The following CDH4 variants were observed in gnomAD, a reference collection of about 807,000 sequenced individuals.
The protein encoded by CDH4 is cadherin-4.
CDH4 carries 33 observed loss-of-function variants against 86.0 expected under a neutral mutation model. The ratio of observed to expected loss-of-function variants is 0.38; its 90% CI spans 0.29 to 0.51. The LOEUF (loss-of-function observed/expected upper bound fraction) is 0.51. CDH4 is among the 20% of genes least tolerant of loss of function. The pLI, the probability that CDH4 is intolerant of heterozygous loss-of-function variation, is 0.86. For synonymous variants in CDH4, 555 were observed against 549.4 expected, an observed-to-expected ratio of 1.01 and a Z score of -0.14; for missense variants, 1,114 against 1,307.4, an observed-to-expected ratio of 0.85 and a Z score of 2.28.
At position 61,565,113 on chromosome 20, in the gene CDH4, C is replaced by CTGCTCTTGG. The variant is rs2086259713; in HGVS notation, c.170-178448_170-178447insCTCTTGGTG. On this transcript the variant is annotated intron_variant, in intron 2 of 15. Transcript: ENST00000614565. ...GCTCTTGGTGGTGCTCTTGGTGGTG[C>CTGCTCTTGG]TGGTGCTCTTGGTGGTGCTGGTCCT... Among the ~76,000 whole-genome samples, 10 of 57,748 alleles carry CTGCTCTTGG rather than the reference C, an allele frequency of 1.7e-4. No individual in the cohort carries two copies. In the East Asian group the frequency reaches 3.9e-3, roughly 23 times the overall value. 37.9% of individuals were successfully genotyped at this position (57,748 alleles called of 152,430 possible).
intron 2 of CDH4, among the ~76,000 whole-genome samples, chr20:61,549,507 A>C (rs1293986826): frequency 6.6e-6 from 1 of 152,222 alleles, no homozygotes; most frequent in Non-Finnish European, 1.5e-5. Context: ...GCAGGATGCT[A>C]AGGGAGAGCT....
At chr20:61,605,818 A>G (rs563183900) in intron 2 of CDH4, among the ~76,000 whole-genome samples, 41 of 151,854 alleles carry the variant, frequency 2.7e-4, no homozygotes, top group Admixed American at 1.2e-3. Flanking sequence ...TCCTTGCAAC[A>G]TCTAGAATCT....
intron 2 of CDH4, among the ~76,000 whole-genome samples, chr20:61,498,453 G>A (rs1008727541): frequency 6.6e-5 from 10 of 152,172 alleles, no homozygotes; most frequent in African/African-American, 2.4e-4. Flanking sequence ...CCGACTTCCG[G>A]TGACACCTTT....
At chr20:61,761,381 A>G (rs1287745338) in intron 3 of CDH4, among the ~76,000 whole-genome samples, 1 of 152,200 alleles carries the variant, frequency 6.6e-6, no homozygotes, top group African/African-American at 2.4e-5. Flanking sequence ...CAACAGAGCA[A>G]TGTACGTTCA....
Position 61,582,350 on chromosome 20 carries a change from G to T in CDH4, c.170-161213G>T, listed in dbSNP as rs566798069. Among the ~76,000 whole-genome samples the T allele has an allele frequency of 6.6e-6, 1 of 152,138 alleles. No individual in the cohort carries two copies. The highest frequency in any genetic ancestry group is 2.4e-5 in the African/African-American group (1 of 41,426). Reference sequence around the variant, plus strand: ...CCGCTCTCCTCCTTATTGTTCAAGCGCAGTGAAAAAGGCAGCGTGAGCCCT... The same window carrying T: ...CCGCTCTCCTCCTTATTGTTCAAGCTCAGTGAAAAAGGCAGCGTGAGCCCT... On this transcript the variant is annotated intron_variant, in intron 2 of 15. Coordinates refer to ENST00000614565, the MANE Select transcript of CDH4 (RefSeq NM_001794.5). This position sits in a 1 kb window ranked among gnomAD's most constrained non-coding sequence, Gnocchi z 4.2.
chr20:61,288,837 G>C (rs1464935572), intron 2 of CDH4, among the ~76,000 whole-genome samples: 1 of 152,240 alleles, frequency 6.6e-6, no homozygotes, highest in East Asian at 1.9e-4. Flanking sequence ...TCTGTGTTGG[G>C]AGGTTCAAGG....
At chr20:61,750,944 T>C (rs2088485414) in intron 3 of CDH4, among the ~76,000 whole-genome samples, 1 of 152,220 alleles carries the variant, frequency 6.6e-6, no homozygotes, top group Admixed American at 6.5e-5. Flanking sequence ...TCTTACATTT[T>C]GTTGAGAAAA....
At chr20:61,910,738 T>C (rs903086938) in intron 9 of CDH4, 131 bp downstream of exon 9, 1 of 815,418 alleles carries the variant, frequency 1.2e-6, no homozygotes, top group East Asian at 2.7e-5. Context: ...TAGAGGCAGG[T>C]AACCCAACCT....
chr20:61,325,093 A>G (rs955072828), intron 2 of CDH4, among the ~76,000 whole-genome samples: 3 of 152,122 alleles, frequency 2.0e-5, no homozygotes, highest in African/African-American at 7.2e-5. Context: ...CCATGGGGCT[A>G]TGTGGATGTG....
intron 6 of CDH4, among the ~76,000 whole-genome samples, chr20:61,865,987 T>G (rs1371276629): frequency 6.6e-6 from 1 of 152,160 alleles, no homozygotes; most frequent in Non-Finnish European, 1.5e-5. Flanking sequence ...GTGTTTATAT[T>G]GAACATCTTA....
intron 6 of CDH4, among the ~76,000 whole-genome samples, chr20:61,861,051 C>T (rs1399104249): frequency 6.6e-6 from 1 of 152,244 alleles, no homozygotes; most frequent in Non-Finnish European, 1.5e-5. Flanking sequence ...TGAAAAATAG[C>T]TGTGGCCACC....
chr20:61,305,033 G>A, intron 2 of CDH4, among the ~76,000 whole-genome samples: 1 of 151,774 alleles, frequency 6.6e-6, no homozygotes, highest in East Asian at 1.9e-4. Context: ...TGTGTTGTAT[G>A]TGTGTGTGTT....
intron 2 of CDH4, among the ~76,000 whole-genome samples, chr20:61,542,109 G>A (rs890899371): frequency 1.3e-4 from 20 of 152,150 alleles, no homozygotes; most frequent in African/African-American, 4.8e-4. Flanking sequence ...AGGGCAGCTG[G>A]TCCAGAGACC....
intron 2 of CDH4, among the ~76,000 whole-genome samples, chr20:61,554,688 G>A (rs1244887421): frequency 3.9e-5 from 6 of 152,250 alleles, no homozygotes; most frequent in Non-Finnish European, 8.8e-5. Flanking sequence ...CAGAGCAGGA[G>A]AAACACTGTG....
chr20:61,863,633 G>A (rs1345022318), intron 6 of CDH4, among the ~76,000 whole-genome samples: 1 of 152,172 alleles, frequency 6.6e-6, no homozygotes, highest in Non-Finnish European at 1.5e-5. Context: ...AGAAGCGAGA[G>A]GGCCAGTGGG....
At chr20:61,638,680 C>T (rs900341776) in intron 2 of CDH4, among the ~76,000 whole-genome samples, 1 of 152,196 alleles carries the variant, frequency 6.6e-6, no homozygotes, top group African/African-American at 2.4e-5. Context: ...TTCTTCCTCT[C>T]TGCCCACATT....
At chr20:61,725,816 A>G (rs1044966822) in intron 2 of CDH4, among the ~76,000 whole-genome samples, 7 of 152,126 alleles carry the variant, frequency 4.6e-5, no homozygotes, top group African/African-American at 1.7e-4. Context: ...CAGGACAGCA[A>G]AGAGAGCTGT....
At chr20:61,685,553 C>A (rs6061310) in intron 2 of CDH4, among the ~76,000 whole-genome samples, 1,797 of 152,388 alleles carry the variant, frequency 0.012, 35 homozygotes, top group African/African-American at 0.039. Flanking sequence ...CCCACCACCC[C>A]GCTGTTTGTG....
chr20:61,584,487 C>T (rs2086455088), intron 2 of CDH4, among the ~76,000 whole-genome samples: 1 of 152,144 alleles, frequency 6.6e-6, no homozygotes, highest in Admixed American at 6.5e-5. Context: ...CCTGTGGCTG[C>T]TTTCTCCCAC....
Sources: gnomAD v4.1 joint callset for allele counts (sites outside exome capture counted in the v4.1 genomes callset) on GRCh38, gnomAD v4.1.1 for gene constraint, Gnocchi (gnomAD v3.1) non-coding constraint, MANE v1.5 for transcripts, NCBI Gene and HGNC (gene_info 2026-07-23, HGNC 2026-07-21) for gene names.